LTV1: variants seen among roughly 807,000 people sequenced by gnomAD.
LTV1 encodes the protein protein LTV1 homolog.
LTV1 carries 39 observed loss-of-function variants against 59.9 expected under a neutral mutation model. That is an observed-to-expected ratio of 0.65 (90% CI 0.50 to 0.85). The LOEUF is 0.85. Among genes scored for constraint, LTV1 ranks in the 40% least tolerant of loss-of-function variants. LTV1 has a pLI of 0.00. For synonymous variants in LTV1, 171 were observed against 189.5 expected (o/e 0.90, Z 0.80); for missense variants, 493 against 549.1 (o/e 0.90, Z 1.02).
intron 2 of LTV1, 57 bp from the exon 3 acceptor site, chr6:143,845,994 C>T: frequency 3.2e-6 from 5 of 1,541,596 alleles, no homozygotes; most frequent in Non-Finnish European, 4.4e-6. Flanking sequence ...GGAAGGCTTA[C>T]TGATTCCATT....
In LTV1 at chr6:143,862,320, G is replaced by A. The variant is rs1461864941; in HGVS notation, c.1063+77G>A. 23 of 1,327,996 alleles carry A rather than the reference G, an allele frequency of 1.7e-5. No homozygotes were observed. The highest frequency in any genetic ancestry group is 7.8e-5 in the Admixed American group (4 of 51,150). 82.3% of individuals were successfully genotyped at this position (1,327,996 alleles called of 1,614,324 possible). ...CTTTAGGCTGGGTGCGGTGCCTCAC[G>A]CCTGTAGTAATCCCAGCACTTTGGG... On this transcript the variant is annotated intron_variant, in intron 8 of 10. Coordinates refer to ENST00000367576, the MANE Select transcript of LTV1 (RefSeq NM_032860.5). This position sits in a 1 kb window ranked among gnomAD's most constrained non-coding sequence, Gnocchi z 4.2.
chr6:143,854,040 CTG>C (rs1032141948), intron 4 of LTV1, among the ~76,000 whole-genome samples: 3 of 152,186 alleles, frequency 2.0e-5, no homozygotes, highest in Admixed American at 2.0e-4. Flanking sequence ...CAGCTCCTCT[CTG>C]TACCTCTGGT....
intron 1 of LTV1, 121 bp downstream of exon 1, chr6:143,843,601 C>T (rs1776838841): frequency 7.7e-7 from 1 of 1,302,216 alleles, no homozygotes; most frequent in Non-Finnish European, 1.1e-6. Context: ...CTGCTTGCGG[C>T]ACGGTACCCC....
At chr6:143,861,307 G>A (rs1777160725) in intron 7 of LTV1, among the ~76,000 whole-genome samples, 1 of 151,804 alleles carries the variant, frequency 6.6e-6, no homozygotes, top group Admixed American at 6.6e-5. Flanking sequence ...GCGTGGTGGT[G>A]TACACCTGTA....
chr6:143,846,017 A>C, intron 2 of LTV1, 34 bp from the exon 3 acceptor site: 1 of 1,600,636 alleles, frequency 6.2e-7, no homozygotes, highest in South Asian at 1.1e-5. Flanking sequence ...GTTTATAGAT[A>C]GTGAAGAAAG....
Position 143,863,705 on chromosome 6 carries a change from G to A in LTV1, c.*178G>A. 2 of 452,632 alleles carry A rather than the reference G, an allele frequency of 4.4e-6. No individual in the cohort carries two copies. The highest frequency in any genetic ancestry group is 3.3e-5 in the East Asian group (1 of 30,580). 28.0% of individuals were successfully genotyped at this position (452,632 alleles called of 1,614,324 possible). On this transcript the variant is annotated 3_prime_UTR_variant, in exon 11 of 11. Transcript: ENST00000367576. The surrounding 1 kb of genome is among the most constrained non-coding windows in gnomAD (Gnocchi z 4.5). ...CCCTGCCAACCATCTTGTAAATATTGTAATACTTTAATTTTTAATATTATA... is the reference window on the plus strand; with the variant it reads ...CCCTGCCAACCATCTTGTAAATATTATAATACTTTAATTTTTAATATTATA...
chr6:143,856,821 G>C (rs1777083391), intron 4 of LTV1, among the ~76,000 whole-genome samples: 1 of 152,164 alleles, frequency 6.6e-6, no homozygotes, highest in South Asian at 2.1e-4. Flanking sequence ...GTCCCAGAGG[G>C]GTACCCGCCA....
intron 3 of LTV1, among the ~76,000 whole-genome samples, chr6:143,847,224 T>A (rs1417068798): frequency 6.6e-6 from 1 of 152,226 alleles, no homozygotes; most frequent in Non-Finnish European, 1.5e-5. Context: ...AGTAGGGACT[T>A]ATTGGCTCAC....
Position 143,844,612 on chromosome 6 carries a change from C to CA in LTV1, c.135dup (p.Ile46AsnfsTer4). On this transcript the variant is annotated frameshift_variant, in exon 2 of 11. Transcript: ENST00000367576. LOFTEE classifies it high-confidence loss of function. The stretch of plus-strand genomic sequence containing the variant: ...ACCCCAGAGGGTTCTATTGCCCACA[C>CA]AAAAAGTAGGTCCTGTTCTTTAGCC... 6.2e-7 allele frequency: 1 copy of CA among 1,610,840 alleles called. No individual in the cohort carries two copies. The highest frequency in any genetic ancestry group is 8.5e-7 in the Non-Finnish European group (1 of 1,178,390).
rs769076348 is a variant in LTV1, at chr6:143,846,113, T to C, written c.198T>C (p.Tyr66=). The C allele has an allele frequency of 6.2e-7, 1 of 1,614,214 alleles. No homozygotes were observed. Among genetic ancestry groups the C allele is most frequent in the South Asian group, 1.1e-5 (1 of 91,088 alleles). ...RKYGVFFDDD[Y]DYLQHLKEPS... The stretch of plus-strand genomic sequence containing the variant: ...ATGGAGTGTTCTTTGATGACGACTA[T>C]GACTACCTGCAGCACCTGAAGGAAC... The change falls in exon 3 of 11, where the codon TAT becomes TAC. Residue 66 remains tyrosine, a synonymous_variant. Coordinates refer to ENST00000367576, the MANE Select transcript of LTV1 (RefSeq NM_032860.5).
Position 143,857,625 on chromosome 6 carries a change from C to T in LTV1, c.540-127C>T. 2.6e-6 allele frequency: 3 copies of T among 1,143,408 alleles called. No individual in the cohort carries two copies. 70.8% of individuals were successfully genotyped at this position (1,143,408 alleles called of 1,614,324 possible). On this transcript the variant is annotated intron_variant, in intron 5 of 10. Transcript: ENST00000367576. This position sits in a 1 kb window ranked among gnomAD's most constrained non-coding sequence, Gnocchi z 5.2. ...TTCCTACCAAACCAGATTGATCAAACACCCTCACTCTTCCTGCCTAGACAA... is the reference window on the plus strand; with the variant it reads ...TTCCTACCAAACCAGATTGATCAAATACCCTCACTCTTCCTGCCTAGACAA...
At chr6:143,850,061 C>T in intron 3 of LTV1, 70 bp from the exon 4 acceptor site, 10 of 1,241,302 alleles carry the variant, frequency 8.1e-6, no homozygotes, top group Non-Finnish European at 1.2e-5. Context: ...TTGGGGGGGA[C>T]TTCAACCCGG....
chr6:143,853,447 G>T lies in LTV1; in HGVS notation c.397+3229G>T, dbSNP rs867686303. Among the ~76,000 whole-genome samples the T allele has an allele frequency of 2.6e-5, 4 of 152,090 alleles. No individual in the cohort carries two copies. The South Asian group carries it at 8.3e-4, about 32-fold the overall frequency. On this transcript the variant is annotated intron_variant, in intron 4 of 10. Transcript: ENST00000367576. ...AATTTGACTTCCTCTCTTCCTATTG[G>T]AATACGCTTTATTTCTTTCTCTTGC... is the stretch of plus-strand genomic sequence containing the variant.
chr6:143,850,054 G>C (rs566086303), intron 3 of LTV1, 77 bp from the exon 4 acceptor site: 14 of 1,072,208 alleles, frequency 1.3e-5, no homozygotes, highest in South Asian at 4.0e-5. Flanking sequence ...CATTGATTTG[G>C]GGGGGACTTC....
Position 143,863,359 on chromosome 6 carries a change from C to A in LTV1, c.1318-58C>A. On this transcript the variant is annotated intron_variant, in intron 10 of 10. Coordinates refer to ENST00000367576, the MANE Select transcript of LTV1 (RefSeq NM_032860.5). This position sits in a 1 kb window ranked among gnomAD's most constrained non-coding sequence, Gnocchi z 4.5. ...GGAAATTAGGGGAATTTTGTAAAAGCAGTCTGTATCAGTTTAAAGATGTGA... is the reference window on the plus strand; with the variant it reads ...GGAAATTAGGGGAATTTTGTAAAAGAAGTCTGTATCAGTTTAAAGATGTGA... 1 of 1,588,208 alleles carries A rather than the reference C, an allele frequency of 6.3e-7. No individual in the cohort carries two copies. The highest frequency in any genetic ancestry group is 8.6e-7 in the Non-Finnish European group (1 of 1,159,418).
At chr6:143,846,417 G>A (rs1305028855) in intron 3 of LTV1, among the ~76,000 whole-genome samples, 193 bp downstream of exon 3, 1 of 152,200 alleles carries the variant, frequency 6.6e-6, no homozygotes, top group Non-Finnish European at 1.5e-5. Context: ...TCTGGTGGCA[G>A]GTGTCAACAG....
chr6:143,845,866 T>C (rs1277782566), intron 2 of LTV1, among the ~76,000 whole-genome samples, 185 bp from the exon 3 acceptor site: 1 of 152,248 alleles, frequency 6.6e-6, no homozygotes, highest in East Asian at 1.9e-4. Context: ...TTTGAAGCTG[T>C]ACATTTCCTG....
In LTV1 at chr6:143,862,013, C is replaced by T. The variant is rs1239393947; in HGVS notation, c.924-91C>T. On this transcript the variant is annotated intron_variant, in intron 7 of 10. Coordinates refer to ENST00000367576, the MANE Select transcript of LTV1 (RefSeq NM_032860.5). The surrounding 1 kb of genome is among the most constrained non-coding windows in gnomAD (Gnocchi z 4.2). The stretch of plus-strand genomic sequence containing the variant: ...TGTGCATTTAAAACATTGGTTTTTC[C>T]ACAGCTAAAAATTGCAGTTTTAGTG... 4 of 1,280,908 alleles carry T rather than the reference C, an allele frequency of 3.1e-6. No homozygotes were observed. Among genetic ancestry groups the T allele is most frequent in the Non-Finnish European group, 4.4e-6 (4 of 918,942 alleles). The allele number at this position is 1,280,908 out of a possible 1,614,324, so 79.3% of individuals were successfully genotyped here.
At chr6:143,852,917 C>T (rs1777009321) in intron 4 of LTV1, among the ~76,000 whole-genome samples, 1 of 152,080 alleles carries the variant, frequency 6.6e-6, no homozygotes, top group African/African-American at 2.4e-5. Flanking sequence ...TGTTTTGTTC[C>T]ATTGGTCTAT....
Sources: allele counts gnomAD v4.1 joint callset (sites outside exome capture counted in the v4.1 genomes callset), GRCh38; gene constraint gnomAD v4.1.1; non-coding constraint Gnocchi (gnomAD v3.1); transcripts MANE v1.5; gene names NCBI Gene and HGNC (gene_info 2026-07-23, HGNC 2026-07-21).